Variants in CAMK1D observed in about 807,000 individuals in gnomAD.
CAMK1D encodes calcium/calmodulin-dependent protein kinase type 1D.
Under a neutral mutation model 47.7 loss-of-function variants are expected in CAMK1D, and 9 were observed. The observed-to-expected ratio is 0.19, with a 90% CI of 0.11 to 0.33. The LOEUF is 0.33. CAMK1D is among the 10% of genes least tolerant of loss of function. CAMK1D has a pLI of 1.00. For missense variants in CAMK1D, 291 were observed against 488.7 expected (o/e 0.60, Z 3.81); for synonymous variants, 184 against 184.9 (o/e 0.99, Z 0.04).
intron 3 of CAMK1D, among the ~76,000 whole-genome samples, chr10:12,706,961 G>A (rs941425178): frequency 2.0e-5 from 3 of 152,118 alleles, no homozygotes; most frequent in African/African-American, 7.2e-5. Flanking sequence ...TACATATGAA[G>A]GTATCTGGGA....
At chr10:12,783,337 C>G (rs1372813870) in intron 5 of CAMK1D, among the ~76,000 whole-genome samples, 2 of 152,186 alleles carry the variant, frequency 1.3e-5, no homozygotes, top group African/African-American at 4.8e-5. Context: ...CGAGGACTGC[C>G]CCTGTCCCCC....
At chr10:12,545,306 T>C (rs1444451033) in intron 1 of CAMK1D, among the ~76,000 whole-genome samples, 1 of 13,914 alleles carries the variant, frequency 7.2e-5, no homozygotes, top group Non-Finnish European at 2.0e-4. Context: ...AAAAACTAGC[T>C]GGACATGGTG....
At chr10:12,377,133 T>G (rs1169115169) in intron 1 of CAMK1D, among the ~76,000 whole-genome samples, 3 of 152,140 alleles carry the variant, frequency 2.0e-5, no homozygotes, top group African/African-American at 7.2e-5. Flanking sequence ...AGATAATAAT[T>G]TTTGAAACAT....
At chr10:12,552,144 C>T (rs1836604049) in intron 1 of CAMK1D, among the ~76,000 whole-genome samples, 1 of 152,166 alleles carries the variant, frequency 6.6e-6, no homozygotes, top group Non-Finnish European at 1.5e-5. Context: ...AGGAGGTGGC[C>T]CTGGGGTGCT....
intron 1 of CAMK1D, among the ~76,000 whole-genome samples, chr10:12,370,455 G>T (rs1174060022): frequency 1.3e-5 from 2 of 152,070 alleles, no homozygotes; most frequent in African/African-American, 4.8e-5. Flanking sequence ...GGTCCTCCAG[G>T]AGGTATCCAG....
At chr10:12,445,992 G>C (rs887667935) in intron 1 of CAMK1D, among the ~76,000 whole-genome samples, 3 of 152,202 alleles carry the variant, frequency 2.0e-5, no homozygotes, top group Non-Finnish European at 4.4e-5. Flanking sequence ...AAGGTATTCT[G>C]TGTGGGAGGC....
intron 1 of CAMK1D, among the ~76,000 whole-genome samples, chr10:12,480,145 A>G (rs1536531): frequency 0.11 from 17,000 of 151,928 alleles, 1,062 homozygotes; most frequent in Middle Eastern, 0.17. Flanking sequence ...GTTGATACCA[A>G]AATAATCTAA....
intron 3 of CAMK1D, among the ~76,000 whole-genome samples, chr10:12,679,416 A>T (rs551072411): frequency 3.3e-5 from 5 of 152,292 alleles, no homozygotes; most frequent in African/African-American, 7.2e-5. Flanking sequence ...AAAATATATT[A>T]AAAAAATACG....
At chr10:12,439,544 A>C (rs1832725014) in intron 1 of CAMK1D, among the ~76,000 whole-genome samples, 1 of 152,082 alleles carries the variant, frequency 6.6e-6, no homozygotes, top group African/African-American at 2.4e-5. Context: ...TGCTGTAGGT[A>C]GTGTTGTCAA....
intron 1 of CAMK1D, among the ~76,000 whole-genome samples, chr10:12,493,255 G>A (rs569626516): frequency 4.6e-5 from 7 of 152,236 alleles, no homozygotes; most frequent in South Asian, 4.1e-4. Flanking sequence ...GTTGAGGAGC[G>A]CAGACTGAAG....
intron 2 of CAMK1D, among the ~76,000 whole-genome samples, chr10:12,662,254 A>G (rs1405632575): frequency 6.6e-6 from 1 of 152,260 alleles, no homozygotes. Flanking sequence ...ATCAACATTC[A>G]GAACACTGCT....
At chr10:12,726,792 C>A (rs1161152434) in intron 3 of CAMK1D, among the ~76,000 whole-genome samples, 1 of 152,250 alleles carries the variant, frequency 6.6e-6, no homozygotes. Context: ...ACCTTACCTA[C>A]TATGACTGTG....
chr10:12,630,772 C>G (rs988168915), intron 2 of CAMK1D, among the ~76,000 whole-genome samples: 4 of 152,058 alleles, frequency 2.6e-5, no homozygotes, highest in Non-Finnish European at 5.9e-5. Flanking sequence ...GACCTCACGT[C>G]CTCCGTACCT....
intron 1 of CAMK1D, among the ~76,000 whole-genome samples, chr10:12,428,564 C>T (rs904507343): frequency 2.6e-5 from 4 of 152,098 alleles, no homozygotes; most frequent in Non-Finnish European, 5.9e-5. Flanking sequence ...CCTTTCATCC[C>T]GTTCCTCTTC....
At chr10:12,705,686 A>C (rs1833704381) in intron 3 of CAMK1D, among the ~76,000 whole-genome samples, 1 of 152,190 alleles carries the variant, frequency 6.6e-6, no homozygotes, top group African/African-American at 2.4e-5. Flanking sequence ...CATTGCCCCT[A>C]ACAAGGACTT....
intron 1 of CAMK1D, among the ~76,000 whole-genome samples, chr10:12,370,951 G>A (rs1360298638): frequency 6.6e-6 from 1 of 151,974 alleles, no homozygotes; most frequent in African/African-American, 2.4e-5. Context: ...AAAAGAATAG[G>A]AAAAAGCTTA....
chr10:12,352,441 G>A (rs1013385955), intron 1 of CAMK1D, among the ~76,000 whole-genome samples: 1 of 151,582 alleles, frequency 6.6e-6, no homozygotes, highest in Non-Finnish European at 1.5e-5. Context: ...AAACCCTGTT[G>A]CTACTAACAA....
intron 5 of CAMK1D, among the ~76,000 whole-genome samples, chr10:12,784,495 C>T (rs529049179): frequency 6.6e-6 from 1 of 150,682 alleles, no homozygotes; most frequent in East Asian, 2.0e-4. Flanking sequence ...ACCGTGCCGG[C>T]CAGAGAAAAG....
intron 2 of CAMK1D, among the ~76,000 whole-genome samples, chr10:12,660,831 T>G (rs1433796669): frequency 6.6e-6 from 1 of 152,258 alleles, no homozygotes; most frequent in East Asian, 1.9e-4. Context: ...TACGCACATT[T>G]CAGGACATTT....
Sources: gnomAD v4.1 joint callset for allele counts (sites outside exome capture counted in the v4.1 genomes callset) on GRCh38, gnomAD v4.1.1 for gene constraint, MANE v1.5 for transcripts, NCBI Gene and HGNC (gene_info 2026-07-23, HGNC 2026-07-21) for gene names.